RABGAP1: variants seen among roughly 807,000 people sequenced by gnomAD.
RABGAP1 encodes the protein RAB GTPase activating protein 1, also known as rab GTPase-activating protein 1.
Under a neutral mutation model 137.6 loss-of-function variants are expected in RABGAP1, and 23 were observed. That is an observed-to-expected ratio of 0.17 (90% confidence interval 0.12 to 0.24). The LOEUF (loss-of-function observed/expected upper bound fraction) is 0.24, where lower values mean the gene tolerates loss of function less well. Ranked by LOEUF, RABGAP1 falls within the 10% of genes least tolerant of loss-of-function variation. The probability of loss-of-function intolerance (pLI) is 1.00; values close to 1 mark genes in which losing one functional copy is unlikely to be tolerated. For synonymous variants in RABGAP1, 451 were observed against 450.7 expected (o/e 1.00, Z -0.01); for missense variants, 906 against 1,275.8 (o/e 0.71, Z 4.42).
At chr9:123,055,266 A>T (rs899111565) in intron 13 of RABGAP1, among the ~76,000 whole-genome samples, 6 of 152,168 alleles carry the variant, frequency 3.9e-5, no homozygotes, top group African/African-American at 1.4e-4. Flanking sequence ...ATCACAGCTC[A>T]CTGCAGCTTT....
At chr9:122,963,308 A>T (rs1359114512) in intron 2 of RABGAP1, among the ~76,000 whole-genome samples, 3 of 152,242 alleles carry the variant, frequency 2.0e-5, no homozygotes, top group Non-Finnish European at 4.4e-5. Context: ...CAACTAGGCC[A>T]ATCAATAAGG....
At chr9:123,102,391 G>T (rs560892368) in intron 25 of RABGAP1, among the ~76,000 whole-genome samples, 1 of 152,258 alleles carries the variant, frequency 6.6e-6, no homozygotes, top group East Asian at 1.9e-4. Flanking sequence ...CAGGATAAAA[G>T]CTTTAGGGCT....
At position 122,984,708 on chromosome 9, in the gene RABGAP1, C is replaced by T. The variant is rs1178741141; in HGVS notation, c.374C>T (p.Pro125Leu). 1.2e-6 allele frequency: 2 copies of T among 1,613,778 alleles called. No individual in the cohort carries two copies. Among genetic ancestry groups the T allele is most frequent in the South Asian group, 1.1e-5 (1 of 91,072 alleles). ...QKPEMSLPVK[P>L]GQGDSEASSP... is the part of the protein sequence containing the mutation. Reference sequence around the variant, plus strand: ...CCAGAGATGAGCCTACCAGTGAAACCTGGACAAGGAGGTTAGGATTGCTGC... The same window carrying T: ...CCAGAGATGAGCCTACCAGTGAAACTTGGACAAGGAGGTTAGGATTGCTGC... The change falls in exon 3 of 26, where the codon CCT (proline) becomes CTT (leucine). Residue 125 changes from proline (P) to leucine (L), a missense_variant. Pro to Leu is a moderately conservative substitution (Grantham distance 98, BLOSUM62 -3). Around this residue, in one of 9 missense-constraint regions of RABGAP1, gnomAD observed 331 missense variants for 358.3 expected, o/e 0.92. Coordinates refer to ENST00000373647, the MANE Select transcript of RABGAP1 (RefSeq NM_012197.4).
At chr9:123,048,243 G>A (rs2033308053) in intron 13 of RABGAP1, among the ~76,000 whole-genome samples, 1 of 151,998 alleles carries the variant, frequency 6.6e-6, no homozygotes. Context: ...CCAATCAACT[G>A]CTGTATATTT....
At chr9:123,005,056 CAAAAAA>C (rs11421673) in intron 10 of RABGAP1, among the ~76,000 whole-genome samples, 3 of 93,892 alleles carry the variant, frequency 3.2e-5, no homozygotes, top group African/African-American at 1.1e-4. Flanking sequence ...AACTCCATCT[CAAAAAA>C]AAAAAAAAAA....
chr9:122,966,894 A>G (rs994623751), intron 2 of RABGAP1, among the ~76,000 whole-genome samples: 4 of 152,190 alleles, frequency 2.6e-5, no homozygotes, highest in Admixed American at 2.6e-4. Flanking sequence ...TTGTGCAGGA[A>G]AACTCTGTTT....
At chr9:123,073,704 G>A in intron 16 of RABGAP1, 27 bp downstream of exon 16, 1 of 1,612,756 alleles carries the variant, frequency 6.2e-7, no homozygotes, top group Non-Finnish European at 8.5e-7. Flanking sequence ...GCTTGTGTTT[G>A]ACAAAAAGAG....
Position 123,098,813 on chromosome 9 carries a change from C to T in RABGAP1, c.2817+15C>T, listed in dbSNP as rs746488278. On this transcript the variant is annotated intron_variant, in intron 23 of 25. Transcript: ENST00000373647. ...ACTATAAGCAGGTAGGTTCCAGTAC[C>T]CTGGGATTGGGCTGTGTAATCTGGG... is the stretch of plus-strand genomic sequence containing the variant. 5.6e-6 allele frequency: 9 copies of T among 1,603,148 alleles called. No homozygotes were observed. Among genetic ancestry groups the T allele is most frequent in the Non-Finnish European group, 7.7e-6 (9 of 1,171,318 alleles).
chr9:123,002,056 C>T (rs1050242866), intron 10 of RABGAP1, among the ~76,000 whole-genome samples: 1 of 152,050 alleles, frequency 6.6e-6, no homozygotes, highest in Non-Finnish European at 1.5e-5. Flanking sequence ...TAATCCCAGC[C>T]TTTGGGAGGC....
In RABGAP1 at chr9:123,100,982, G is replaced by T. The variant is rs759256219; in HGVS notation, c.2890-584G>T. Among the ~76,000 whole-genome samples, 45 of 152,144 alleles carry T rather than the reference G, an allele frequency of 3.0e-4. 1 individual carries two copies. Among genetic ancestry groups the T allele is most frequent in the Non-Finnish European group, 6.3e-4 (43 of 68,026 alleles). ...TCGGATGTTTTATAATTGGCTTTTT[G>T]TGGTTTAATTGGCAGAATGTTTTCT... On this transcript the variant is annotated intron_variant, in intron 24 of 25. Transcript: ENST00000373647.
chr9:123,097,382 T>C (rs534851390), intron 21 of RABGAP1, among the ~76,000 whole-genome samples: 1 of 152,340 alleles, frequency 6.6e-6, no homozygotes, highest in East Asian at 1.9e-4. Context: ...GTGTTTACTG[T>C]ATTCCAGGCA....
At chr9:123,073,766 A>C in intron 16 of RABGAP1, 89 bp downstream of exon 16, 9 of 1,547,418 alleles carry the variant, frequency 5.8e-6, no homozygotes, top group Non-Finnish European at 7.9e-6. Flanking sequence ...GAGCATTGGT[A>C]ATTGCCTTAG....
intron 13 of RABGAP1, among the ~76,000 whole-genome samples, chr9:123,058,050 A>AGGGGAGAGGGGGAGAGAGGGAGAG (rs2033812142): frequency 7.3e-6 from 1 of 136,838 alleles, no homozygotes; most frequent in Non-Finnish European, 1.6e-5. Flanking sequence ...GTGGAAAGAG[A>AGGGGAGAGGGGGAGAGAGGGAGAG]GGGGAGAGGG....
At chr9:122,987,809 A>G (rs1265443839) in intron 4 of RABGAP1, among the ~76,000 whole-genome samples, 1 of 152,196 alleles carries the variant, frequency 6.6e-6, no homozygotes, top group African/African-American at 2.4e-5. Context: ...ATAAATTCCT[A>G]GAAGTAAACT....
intron 19 of RABGAP1, 84 bp downstream of exon 19, chr9:123,076,846 A>G (rs1280616884): frequency 2.2e-6 from 2 of 920,914 alleles, no homozygotes; most frequent in Non-Finnish European, 2.8e-6. Flanking sequence ...ATAATTATTT[A>G]TGTATTATAT....
intron 10 of RABGAP1, among the ~76,000 whole-genome samples, chr9:123,004,710 A>G (rs2030053552): frequency 6.6e-6 from 1 of 152,130 alleles, no homozygotes; most frequent in East Asian, 1.9e-4. Context: ...TTATATGCAT[A>G]TATTTTATTT....
upstream of RABGAP1, among the ~76,000 whole-genome samples, chr9:122,937,434 A>G (rs1264908312): frequency 6.6e-6 from 1 of 151,972 alleles, no homozygotes; most frequent in African/African-American, 2.4e-5. Context: ...CCCTGTCTCT[A>G]CTAAATACAA....
chr9:123,056,618 G>A (rs1335265338), intron 13 of RABGAP1, among the ~76,000 whole-genome samples: 1 of 151,390 alleles, frequency 6.6e-6, no homozygotes, highest in African/African-American at 2.4e-5. Context: ...CTAGGCAGAG[G>A]ACCCTGCGGC....
At chr9:123,103,057 C>A in intron 25 of RABGAP1, 34 bp from the exon 26 acceptor site, 1 of 1,605,706 alleles carries the variant, frequency 6.2e-7, no homozygotes, top group African/African-American at 1.3e-5. Flanking sequence ...TGACACCAAG[C>A]CCAGCATCCT....
Sources: gnomAD v4.1 joint callset for allele counts (sites outside exome capture counted in the v4.1 genomes callset) on GRCh38, gnomAD v4.1.1 for gene constraint, gnomAD v4.1.1 regional missense constraint, MANE v1.5 for transcripts, NCBI Gene and HGNC (gene_info 2026-07-23, HGNC 2026-07-21) for gene names.